Variants in TEK observed in about 807,000 individuals in gnomAD.
The protein encoded by TEK is TEK receptor tyrosine kinase.
Under a neutral mutation model 131.8 loss-of-function variants are expected in TEK, and 43 were observed. That is an observed-to-expected ratio of 0.33 (90% CI 0.26 to 0.42). The LOEUF (loss-of-function observed/expected upper bound fraction) is 0.42. Ranked by LOEUF, TEK falls within the 10% of genes least tolerant of loss-of-function variation. TEK has a pLI of 1.00. For synonymous variants in TEK, 580 were observed against 491.6 expected (o/e 1.18, Z -2.38); for missense variants, 1,162 against 1,384.4 (o/e 0.84, Z 2.55).
intron 2 of TEK, 31 bp downstream of exon 2, chr9:27,158,173 G>A: frequency 6.2e-7 from 1 of 1,612,620 alleles, no homozygotes; most frequent in South Asian, 1.1e-5. Flanking sequence ...GGGCAGGTGA[G>A]GCCCACTGAG....
At chr9:27,191,685 C>A (rs1369287997) in intron 10 of TEK, among the ~76,000 whole-genome samples, 1 of 152,044 alleles carries the variant, frequency 6.6e-6, no homozygotes, top group Admixed American at 6.5e-5. Context: ...CTGAGTCCTT[C>A]ACATACTATT....
In TEK at chr9:27,228,232, G is replaced by A. The variant is rs536255448; in HGVS notation, c.3227G>A (p.Arg1076Gln). 25 of 1,612,902 alleles carry A rather than the reference G, an allele frequency of 1.6e-5. No homozygotes were observed. Among genetic ancestry groups the A allele is most frequent in the Middle Eastern group, 1.7e-4 (1 of 6,048 alleles). Reference protein sequence around the residue: ...EVYDLMRQCWREKPYERPSFA... With the variant: ...EVYDLMRQCWQEKPYERPSFA... Reference sequence around the variant, plus strand: ...TATGATCTAATGAGACAATGCTGGCGGGAGAAGCCTTATGAGAGGCCATCA... The same window carrying A: ...TATGATCTAATGAGACAATGCTGGCAGGAGAAGCCTTATGAGAGGCCATCA... Residue 1076 changes from arginine (R) to glutamine (Q), a missense_variant, in exon 22 of 23, where the codon CGG becomes CAG. Coordinates refer to ENST00000380036, the MANE Select transcript of TEK (RefSeq NM_000459.5).
At chr9:27,184,618 G>T (rs1179520478) in intron 8 of TEK, among the ~76,000 whole-genome samples, 1 of 152,072 alleles carries the variant, frequency 6.6e-6, no homozygotes, top group Non-Finnish European at 1.5e-5. Flanking sequence ...TGAAAGTAAT[G>T]GCTACTATTT....
At chr9:27,220,230 C>T (rs1453730655) in intron 21 of TEK, 85 bp downstream of exon 21, 29 of 1,266,854 alleles carry the variant, frequency 2.3e-5, no homozygotes, top group Admixed American at 7.4e-5. Context: ...CAAAGTCAGC[C>T]GGTATACACT....
intron 1 of TEK, among the ~76,000 whole-genome samples, chr9:27,129,010 A>G (rs1308074808): frequency 3.9e-5 from 6 of 152,062 alleles, no homozygotes; most frequent in African/African-American, 4.8e-5. Context: ...TTCCAATCCT[A>G]TGTTGAATAG....
In TEK at chr9:27,220,417, G is replaced by A. The variant is rs118182306; in HGVS notation, c.3200+272G>A. Among the ~76,000 whole-genome samples the A allele has an allele frequency of 5.9e-5, 9 of 152,322 alleles. No individual in the cohort carries two copies. In the East Asian group the frequency reaches 1.7e-3, roughly 29 times the overall value. On this transcript the variant is annotated intron_variant, in intron 21 of 22. Transcript: ENST00000380036. ...AGGGCAACAAATGCAGAAAAGCTCT[G>A]AAACAAATTCTTTAAACATACAACA...
At chr9:27,144,220 T>G (rs1822832764) in intron 1 of TEK, among the ~76,000 whole-genome samples, 2 of 151,938 alleles carry the variant, frequency 1.3e-5, no homozygotes, top group Non-Finnish European at 2.9e-5. Context: ...AGGCAGAGCT[T>G]GCAGTGAGCC....
At chr9:27,174,477 T>G (rs1173119818) in intron 6 of TEK, among the ~76,000 whole-genome samples, 1 of 152,206 alleles carries the variant, frequency 6.6e-6, no homozygotes, top group Non-Finnish European at 1.5e-5. Context: ...CATTATCAGT[T>G]CAACATGTAA....
chr9:27,177,651 G>A (rs972765512), intron 6 of TEK, among the ~76,000 whole-genome samples: 3 of 152,314 alleles, frequency 2.0e-5, no homozygotes, highest in African/African-American at 7.2e-5. Flanking sequence ...TTGGGGGGCT[G>A]AGGCAGGAGA....
At chr9:27,125,749 A>T (rs1821961869) in intron 1 of TEK, among the ~76,000 whole-genome samples, 1 of 152,214 alleles carries the variant, frequency 6.6e-6, no homozygotes, top group Non-Finnish European at 1.5e-5. Flanking sequence ...ATATAATATT[A>T]ACTATCATTA....
At chr9:27,210,142 G>A (rs1480532181) in intron 16 of TEK, among the ~76,000 whole-genome samples, 1 of 152,180 alleles carries the variant, frequency 6.6e-6, no homozygotes, top group Admixed American at 6.5e-5. Flanking sequence ...CAATAAGGGT[G>A]TAATTCTGAA....
At chr9:27,161,458 G>T (rs1223153403) in intron 2 of TEK, among the ~76,000 whole-genome samples, 1 of 152,182 alleles carries the variant, frequency 6.6e-6, no homozygotes. Flanking sequence ...AAAAGCTTAG[G>T]TAAAGCAATA....
intron 9 of TEK, among the ~76,000 whole-genome samples, 180 bp downstream of exon 9, chr9:27,185,809 G>C (rs1353562870): frequency 6.6e-6 from 1 of 152,160 alleles, no homozygotes; most frequent in African/African-American, 2.4e-5. Context: ...TATGAACTGT[G>C]GAGTCACACA....
At position 27,189,487 on chromosome 9, in the gene TEK, G is replaced by A. The variant is rs148077418; in HGVS notation, c.1328-1042G>A. Among the ~76,000 whole-genome samples, 588 of 152,224 alleles carry A rather than the reference G, an allele frequency of 3.9e-3. 5 individuals carry two copies. The highest frequency in any genetic ancestry group is 0.014 in the African/African-American group (569 of 41,540). On this transcript the variant is annotated intron_variant, in intron 9 of 22. Coordinates refer to ENST00000380036, the MANE Select transcript of TEK (RefSeq NM_000459.5). ...AACCAATTTTCATTGTTTCTGGGGC[G>A]CTGTCATCCCCATTGAGAAGATGTG...
chr9:27,213,388 CT>C, intron 17 of TEK, 95 bp from the exon 18 acceptor site: 1 of 904,538 alleles, frequency 1.1e-6, no homozygotes, highest in Non-Finnish European at 1.8e-6. Flanking sequence ...GTTTAAAATC[CT>C]TTTTTATACT....
chr9:27,109,597 T>C lies in TEK; in HGVS notation c.7T>C (p.Ser3Pro). The change falls in exon 1 of 23, where the codon TCT (serine) becomes CCT (proline). Residue 3 changes from serine (S) to proline (P), a missense_variant. Physicochemically the swap from Ser to Pro is moderately conservative, Grantham distance 74. Coordinates refer to ENST00000380036, the MANE Select transcript of TEK (RefSeq NM_000459.5). Reference protein sequence around the residue: MDSLASLVLCGVS... With the variant: MDPLASLVLCGVS... ...TGGAGAGATTTGGGGAAGCATGGACTCTTTAGCCAGCTTAGTTCTCTGTGG... is the reference window on the plus strand; with the variant it reads ...TGGAGAGATTTGGGGAAGCATGGACCCTTTAGCCAGCTTAGTTCTCTGTGG... 1.2e-6 allele frequency: 2 copies of C among 1,614,220 alleles called. No individual in the cohort carries two copies. The highest frequency in any genetic ancestry group is 1.7e-6 in the Non-Finnish European group (2 of 1,180,026).
intron 22 of TEK, 145 bp downstream of exon 22, chr9:27,228,450 C>CG: frequency 1.5e-6 from 1 of 681,938 alleles, no homozygotes; most frequent in Non-Finnish European, 2.6e-6. Context: ...CCTCCACCCC[C>CG]GCGACTTTGA....
In TEK at chr9:27,195,859, G is replaced by C. The variant is rs139186819; in HGVS notation, c.1625-1456G>C. Among the ~76,000 whole-genome samples, 862 of 152,306 alleles carry C rather than the reference G, an allele frequency of 5.7e-3. 8 individuals carry two copies. The highest frequency in any genetic ancestry group is 0.02 in the African/African-American group (826 of 41,568). ...TATGAATTTGCCCAAGGTTGCAAAA[G>C]TAAAGTGGCATGTTCCTGTCTCTCT... On this transcript the variant is annotated intron_variant, in intron 11 of 22. Coordinates refer to ENST00000380036, the MANE Select transcript of TEK (RefSeq NM_000459.5).
intron 1 of TEK, among the ~76,000 whole-genome samples, chr9:27,148,815 T>C (rs1485209220): frequency 6.6e-6 from 1 of 152,252 alleles, no homozygotes; most frequent in Non-Finnish European, 1.5e-5. Context: ...GTTATACATA[T>C]TAACTCCTTA....
Sources: allele counts gnomAD v4.1 joint callset (sites outside exome capture counted in the v4.1 genomes callset), GRCh38; gene constraint gnomAD v4.1.1; transcripts MANE v1.5; gene names NCBI Gene and HGNC (gene_info 2026-07-23, HGNC 2026-07-21).